Variants in EPHA3 observed in about 807,000 individuals in gnomAD.
EPHA3 encodes the protein ephrin type-A receptor 3.
A neutral mutation model predicts 107.1 loss-of-function variants in EPHA3; 42 were observed. That is an observed-to-expected ratio of 0.39 (90% CI 0.31 to 0.51). EPHA3 has a LOEUF of 0.51. EPHA3 is among the 20% of genes least tolerant of loss of function. EPHA3 has a pLI of 0.78. For synonymous variants in EPHA3, 461 were observed against 424.8 expected, an observed-to-expected ratio of 1.09 and a Z score of -1.05; for missense variants, 1,183 against 1,211.2, an observed-to-expected ratio of 0.98 and a Z score of 0.35.
intron 11 of EPHA3, among the ~76,000 whole-genome samples, chr3:89,420,759 G>T (rs1396007775): frequency 6.6e-6 from 1 of 151,154 alleles, no homozygotes; most frequent in Non-Finnish European, 1.5e-5. Flanking sequence ...CATTACATCT[G>T]CATCAAGTGG....
chr3:89,149,909 G>A (rs1488116012), intron 2 of EPHA3, among the ~76,000 whole-genome samples: 1 of 151,880 alleles, frequency 6.6e-6, no homozygotes, highest in African/African-American at 2.4e-5. Context: ...CATCTCAGCT[G>A]TTATAATAAA....
intron 3 of EPHA3, among the ~76,000 whole-genome samples, chr3:89,326,013 A>C (rs1004038894): frequency 1.3e-5 from 2 of 151,292 alleles, no homozygotes; most frequent in African/African-American, 4.8e-5. Context: ...AATATAATTA[A>C]AGATTTTGTT....
chr3:89,312,954 A>G (rs1019589762), intron 3 of EPHA3, among the ~76,000 whole-genome samples: 14 of 152,044 alleles, frequency 9.2e-5, no homozygotes, highest in African/African-American at 2.9e-4. Flanking sequence ...CCTGGTATAT[A>G]TGTACCACAT....
intron 13 of EPHA3, among the ~76,000 whole-genome samples, chr3:89,437,386 A>G (rs1185283196): frequency 1.3e-5 from 2 of 152,102 alleles, no homozygotes; most frequent in Non-Finnish European, 2.9e-5. Flanking sequence ...TAGACCATTT[A>G]GCTCCACAAA....
At chr3:89,151,331 A>G (rs534052270) in intron 2 of EPHA3, among the ~76,000 whole-genome samples, 2 of 152,228 alleles carry the variant, frequency 1.3e-5, no homozygotes, top group South Asian at 2.1e-4. Context: ...CTACTCAGCT[A>G]AAGGAGTACA....
intron 2 of EPHA3, among the ~76,000 whole-genome samples, chr3:89,131,313 A>G (rs1704203393): frequency 6.6e-6 from 1 of 152,206 alleles, no homozygotes; most frequent in South Asian, 2.1e-4. Context: ...TGGGTAAATA[A>G]TTCAATCGTT....
At chr3:89,135,182 C>T (rs1704285850) in intron 2 of EPHA3, among the ~76,000 whole-genome samples, 1 of 152,132 alleles carries the variant, frequency 6.6e-6, no homozygotes, top group Non-Finnish European at 1.5e-5. Flanking sequence ...TGGAGACCTC[C>T]TGACTTTTCA....
chr3:89,138,859 T>A (rs1576177140), intron 2 of EPHA3, among the ~76,000 whole-genome samples: 1 of 151,986 alleles, frequency 6.6e-6, no homozygotes, highest in African/African-American at 2.4e-5. Flanking sequence ...TAGTATTTAT[T>A]ATAAAGGCAC....
chr3:89,136,419 A>G (rs1173699356), intron 2 of EPHA3, among the ~76,000 whole-genome samples: 1 of 143,330 alleles, frequency 7.0e-6, no homozygotes, highest in Non-Finnish European at 1.5e-5. Flanking sequence ...AGGTGCTAGA[A>G]ATCAGATAAG....
intron 3 of EPHA3, among the ~76,000 whole-genome samples, chr3:89,270,603 A>ATGT (rs1326294809): frequency 2.6e-5 from 4 of 152,110 alleles, no homozygotes; most frequent in African/African-American, 4.8e-5. Context: ...CTTTTCATTG[A>ATGT]TGTTCATAAA....
chr3:89,396,610 C>G (rs1466100014), intron 6 of EPHA3, among the ~76,000 whole-genome samples: 1 of 151,940 alleles, frequency 6.6e-6, no homozygotes, highest in African/African-American at 2.4e-5. Context: ...GGCGAGTATT[C>G]CATCATTCTA....
intron 15 of EPHA3, among the ~76,000 whole-genome samples, chr3:89,455,399 T>C (rs186599713): frequency 3.3e-5 from 5 of 152,264 alleles, no homozygotes; most frequent in Non-Finnish European, 1.5e-5. Context: ...TTCTAGGAAG[T>C]GGCAGAGAAT....
intron 2 of EPHA3, among the ~76,000 whole-genome samples, chr3:89,207,404 G>T (rs532499319): frequency 4.3e-4 from 66 of 152,092 alleles, no homozygotes; most frequent in Non-Finnish European, 7.8e-4. Context: ...TGGGTGAGAG[G>T]ATCAATCATA....
At chr3:89,191,866 T>G (rs756284078) in intron 2 of EPHA3, among the ~76,000 whole-genome samples, 29 of 152,160 alleles carry the variant, frequency 1.9e-4, no homozygotes, top group Non-Finnish European at 2.6e-4. Context: ...TAGTAAATGT[T>G]AAAAAGATAA....
intron 2 of EPHA3, among the ~76,000 whole-genome samples, chr3:89,141,373 T>C (rs2107016781): frequency 6.6e-6 from 1 of 151,690 alleles, no homozygotes; most frequent in African/African-American, 2.4e-5. Context: ...AGGTAATAGA[T>C]GCCAGGTGAT....
chr3:89,159,751 T>C (rs1035794665), intron 2 of EPHA3, among the ~76,000 whole-genome samples: 3 of 152,162 alleles, frequency 2.0e-5, no homozygotes, highest in African/African-American at 7.2e-5. Context: ...ATAATTTTCA[T>C]CATTTTTATT....
At position 89,187,305 on chromosome 3, in the gene EPHA3, G is replaced by A. The variant is rs990115946; in HGVS notation, c.154-22555G>A. Among the ~76,000 whole-genome samples, 9 of 147,872 alleles carry A rather than the reference G, an allele frequency of 6.1e-5. No individual in the cohort carries two copies. In the South Asian group the frequency reaches 8.5e-4, roughly 14 times the overall value. ...TTAATATATGAGTCTATACATTACC[G>A]ATTTATTAGTATTCATTAATAAATT... On this transcript the variant is annotated intron_variant, in intron 2 of 16. Coordinates refer to ENST00000336596, the MANE Select transcript of EPHA3 (RefSeq NM_005233.6).
At chr3:89,115,109 G>C (rs1707221129) in intron 1 of EPHA3, among the ~76,000 whole-genome samples, 1 of 152,270 alleles carries the variant, frequency 6.6e-6, no homozygotes, top group Middle Eastern at 3.4e-3. Context: ...TACTGGGTGC[G>C]CTTGGTTGAG....
At chr3:89,155,132 G>A (rs1704770658) in intron 2 of EPHA3, among the ~76,000 whole-genome samples, 1 of 151,550 alleles carries the variant, frequency 6.6e-6, no homozygotes, top group Non-Finnish European at 1.5e-5. Flanking sequence ...CCAGGATGAA[G>A]GCATTATGGA....
Sources: gnomAD v4.1 joint callset for allele counts (sites outside exome capture counted in the v4.1 genomes callset) on GRCh38, gnomAD v4.1.1 for gene constraint, MANE v1.5 for transcripts, NCBI Gene and HGNC (gene_info 2026-07-23, HGNC 2026-07-21) for gene names.